NLRP4: variants seen among roughly 807,000 people sequenced by gnomAD.
NLRP4 encodes NLR family pyrin domain containing 4.
In NLRP4, 44 loss-of-function variants were observed where a neutral mutation model predicts 84.7. The ratio of observed to expected loss-of-function variants is 0.52; its 90% CI spans 0.41 to 0.67. The LOEUF (loss-of-function observed/expected upper bound fraction) is 0.67, where lower values mean the gene tolerates loss of function less well. Among genes scored for constraint, NLRP4 ranks in the 30% least tolerant of loss-of-function variants. The pLI is 0.00. For synonymous variants in NLRP4, 544 were observed against 476.4 expected (o/e 1.14, Z -1.85); for missense variants, 1,260 against 1,219.4 (o/e 1.03, Z -0.50).
At chr19:55,872,339 A>G (rs905383252) in intron 7 of NLRP4, among the ~76,000 whole-genome samples, 1 of 152,224 alleles carries the variant, frequency 6.6e-6, no homozygotes, top group African/African-American at 2.4e-5. Context: ...GCTTATTCCT[A>G]AAAGGATTTT....
At chr19:55,839,493 A>AAC (rs1568653050) in intron 1 of NLRP4, among the ~76,000 whole-genome samples, 1 of 151,770 alleles carries the variant, frequency 6.6e-6, no homozygotes, top group Non-Finnish European at 1.5e-5. Context: ...AAAAAAAAAA[A>AAC]AAGCTTTCAA....
At chr19:55,871,445 A>AG (rs1985179747) in intron 7 of NLRP4, among the ~76,000 whole-genome samples, 1 of 152,202 alleles carries the variant, frequency 6.6e-6, no homozygotes, top group Non-Finnish European at 1.5e-5. Flanking sequence ...AAGAAGACAA[A>AG]GGGTAGCATG....
chr19:55,860,523 G>A (rs113115858), intron 3 of NLRP4, among the ~76,000 whole-genome samples: 26 of 152,116 alleles, frequency 1.7e-4, no homozygotes, highest in African/African-American at 5.3e-4. Context: ...AAGAGACTGC[G>A]GTGAGCCATG....
intron 2 of NLRP4, among the ~76,000 whole-genome samples, chr19:55,855,541 G>C (rs528500757): frequency 6.6e-6 from 1 of 152,312 alleles, no homozygotes; most frequent in East Asian, 1.9e-4. Context: ...TGAAAGATTG[G>C]GGGAATCCCT....
chr19:55,853,903 CTCTTTCTCTTTCTT>C (rs1042721502), intron 2 of NLRP4, among the ~76,000 whole-genome samples: 1 of 134,884 alleles, frequency 7.4e-6, no homozygotes, highest in Non-Finnish European at 1.5e-5. Flanking sequence ...CTCTCTCTCT[CTCTTTCTCTTTCTT>C]TCTCTTTCTC....
chr19:55,858,641 AGAC>A lies in NLRP4; in HGVS notation c.1252_1254del (p.Asp418del). On this transcript the variant is annotated inframe_deletion, in exon 3 of 10. Coordinates refer to ENST00000301295, the MANE Select transcript of NLRP4 (RefSeq NM_134444.5). This position sits in a 1 kb window ranked among gnomAD's most constrained non-coding sequence, Gnocchi z 4.2. ...GGACAGACACATTTGAGTTTTGTGAAGACGACCTCCGGAGAAATGGGGTTGTTG... is the reference window on the plus strand; with the variant it reads ...GGACAGACACATTTGAGTTTTGTGAAGACCTCCGGAGAAATGGGGTTGTTG... 1.2e-6 allele frequency: 2 copies of A among 1,614,156 alleles called. No individual in the cohort carries two copies. Among genetic ancestry groups the A allele is most frequent in the East Asian group, 2.2e-5 (1 of 44,878 alleles).
At chr19:55,866,801 A>G (rs77402255) in intron 5 of NLRP4, among the ~76,000 whole-genome samples, 1,959 of 152,316 alleles carry the variant, frequency 0.013, 54 homozygotes, top group African/African-American at 0.044. Context: ...AGGATCAAAC[A>G]TGAATAATAT....
intron 7 of NLRP4, among the ~76,000 whole-genome samples, chr19:55,876,266 T>C (rs186572075): frequency 1.8e-4 from 28 of 152,264 alleles, no homozygotes; most frequent in Admixed American, 3.9e-4. Flanking sequence ...AATTCAGTTG[T>C]CCCTCCATAT....
chr19:55,851,938 T>G, intron 1 of NLRP4, 78 bp from the exon 2 acceptor site: 2 of 657,998 alleles, frequency 3.0e-6, no homozygotes, highest in East Asian at 2.7e-5. Flanking sequence ...ATCCCCCCAG[T>G]ACTAGCAAGA....
rs534618214 is a variant in NLRP4 at position 55,859,656 on chromosome 19, G to T, written c.1856+407G>T. 1.1e-4 allele frequency among the ~76,000 whole-genome samples: 16 copies of T among 152,120 alleles called. No homozygotes were observed. The East Asian group carries it at 3.1e-3, about 30-fold the overall frequency. On this transcript the variant is annotated intron_variant, in intron 3 of 9. Coordinates refer to ENST00000301295, the MANE Select transcript of NLRP4 (RefSeq NM_134444.5). ...CTAAAAAATCATACAGCCCGGGTGT[G>T]GTGGCTCATGCCTGTAACCCTACCA...
chr19:55,856,150 C>A (rs571266588), intron 2 of NLRP4, among the ~76,000 whole-genome samples: 1 of 152,144 alleles, frequency 6.6e-6, no homozygotes, highest in East Asian at 1.9e-4. Flanking sequence ...TGTACCACCA[C>A]GCCCAGCTAA....
At position 55,848,377 on chromosome 19, in the gene NLRP4, T is replaced by TCG. The variant is rs1340992447; in HGVS notation, c.-65-3639_-65-3638insCG. On this transcript the variant is annotated intron_variant, in intron 1 of 9. Coordinates refer to ENST00000301295, the MANE Select transcript of NLRP4 (RefSeq NM_134444.5). ...CCCTACCCCTTTTTATACTATAGTA[T>TCG]TGTATACTATACTATACGATACTAT... Among the ~76,000 whole-genome samples the TCG allele has an allele frequency of 4.0e-3, 604 of 152,040 alleles. 13 individuals carry two copies. The highest frequency in any genetic ancestry group is 0.013 in the African/African-American group (524 of 41,462).
intron 2 of NLRP4, among the ~76,000 whole-genome samples, chr19:55,853,516 A>G (rs1362914620): frequency 6.6e-6 from 1 of 152,020 alleles, no homozygotes; most frequent in Non-Finnish European, 1.5e-5. Flanking sequence ...TCAGCCTCCC[A>G]AGTAGCTGGG....
At chr19:55,838,639 A>G (rs385329) in intron 1 of NLRP4, among the ~76,000 whole-genome samples, 23,206 of 152,054 alleles carry the variant, frequency 0.15, 1,979 homozygotes, top group East Asian at 0.22. Flanking sequence ...TCAAGAATAT[A>G]TCCTTAGGAT....
intron 1 of NLRP4, among the ~76,000 whole-genome samples, chr19:55,847,757 C>T (rs1983853776): frequency 6.6e-6 from 1 of 150,432 alleles, no homozygotes; most frequent in South Asian, 2.1e-4. Flanking sequence ...CTCTGTTGCC[C>T]AGGCTGGAGT....
At chr19:55,844,208 G>T (rs1983710915) in intron 1 of NLRP4, among the ~76,000 whole-genome samples, 1 of 152,062 alleles carries the variant, frequency 6.6e-6, no homozygotes, top group African/African-American at 2.4e-5. Context: ...GTGTGCTTTG[G>T]TTAGTAAGTG....
At chr19:55,872,751 GA>G (rs1985234211) in intron 7 of NLRP4, among the ~76,000 whole-genome samples, 1 of 152,150 alleles carries the variant, frequency 6.6e-6, no homozygotes, top group Non-Finnish European at 1.5e-5. Flanking sequence ...CGCGGAAAGA[GA>G]AAATATTTTA....
At chr19:55,853,681 A>T (rs1255718499) in intron 2 of NLRP4, among the ~76,000 whole-genome samples, 2 of 152,054 alleles carry the variant, frequency 1.3e-5, no homozygotes, top group Admixed American at 1.3e-4. Flanking sequence ...AAGTGCTGGG[A>T]TTACAGGCCT....
chr19:55,855,048 T>C (rs537254887), intron 2 of NLRP4, among the ~76,000 whole-genome samples: 71 of 152,130 alleles, frequency 4.7e-4, no homozygotes, highest in Non-Finnish European at 9.4e-4. Flanking sequence ...TTTAAACAAA[T>C]TCCCCCATGT....
Sources: gnomAD v4.1 joint callset for allele counts (sites outside exome capture counted in the v4.1 genomes callset) on GRCh38, gnomAD v4.1.1 for gene constraint, Gnocchi (gnomAD v3.1) non-coding constraint, MANE v1.5 for transcripts, NCBI Gene and HGNC (gene_info 2026-07-23, HGNC 2026-07-21) for gene names.